The following DPP6 variants were observed in gnomAD, a reference collection of about 807,000 sequenced individuals.
DPP6 encodes dipeptidyl peptidase like 6.
In DPP6, 69 loss-of-function variants were observed where a neutral mutation model predicts 122.6. That is an observed-to-expected ratio of 0.56 (90% CI 0.46 to 0.69). The LOEUF is 0.69. Ranked by LOEUF, DPP6 falls within the 30% of genes least tolerant of loss-of-function variation. The pLI is 0.00. For synonymous variants in DPP6, 418 were observed against 433.1 expected, an observed-to-expected ratio of 0.97 and a Z score of 0.43; for missense variants, 928 against 1,116.9, an observed-to-expected ratio of 0.83 and a Z score of 2.41.
rs374757079 is a variant in DPP6 at position 154,481,146 on chromosome 7, T to G, written c.457+6109T>G. On this transcript the variant is annotated intron_variant, in intron 3 of 25. Transcript: ENST00000377770. This position sits in a 1 kb window ranked among gnomAD's most constrained non-coding sequence, Gnocchi z 4.2. Reference sequence around the variant, plus strand: ...CTCAGGTGCAAGGAGAAGGGGATGCTTGGGTGACTGGGGTGGAATTTTAAT... The same window carrying G: ...CTCAGGTGCAAGGAGAAGGGGATGCGTGGGTGACTGGGGTGGAATTTTAAT... 1.3e-5 allele frequency among the ~76,000 whole-genome samples: 2 copies of G among 152,080 alleles called. No individual in the cohort carries two copies. The highest frequency in any genetic ancestry group is 3.9e-4 in the East Asian group (2 of 5,176).
At chr7:154,036,948 C>T (rs1390643814) in intron 1 of DPP6, among the ~76,000 whole-genome samples, 2 of 152,164 alleles carry the variant, frequency 1.3e-5, no homozygotes, top group South Asian at 2.1e-4. Flanking sequence ...CACCTGCAAC[C>T]GCAGTAGAAA....
chr7:154,158,510 TATATTTTGAG>T (rs1321985123), intron 1 of DPP6, among the ~76,000 whole-genome samples: 1 of 151,866 alleles, frequency 6.6e-6, no homozygotes, highest in Non-Finnish European at 1.5e-5. Context: ...AAAACATTAC[TATATTTTGAG>T]GCTATTCCGA....
chr7:154,378,800 A>G (rs191768080), intron 1 of DPP6, among the ~76,000 whole-genome samples: 1 of 152,344 alleles, frequency 6.6e-6, no homozygotes, highest in East Asian at 1.9e-4. Flanking sequence ...ACTTACAATC[A>G]AGGCAGAAGG....
At chr7:154,263,645 G>A (rs1467951339) in intron 1 of DPP6, among the ~76,000 whole-genome samples, 2 of 151,988 alleles carry the variant, frequency 1.3e-5, no homozygotes, top group African/African-American at 4.8e-5. Context: ...GACCAAACAC[G>A]ACTGCATTCC....
At chr7:154,492,970 C>T (rs1442556644) in intron 3 of DPP6, among the ~76,000 whole-genome samples, 1 of 152,188 alleles carries the variant, frequency 6.6e-6, no homozygotes, top group Non-Finnish European at 1.5e-5. Context: ...CCACGAAGCT[C>T]CCGCATCCCT....
the DPP6 span, among the ~76,000 whole-genome samples, chr7:153,811,736 G>A: frequency 6.6e-6 from 1 of 152,190 alleles, no homozygotes; most frequent in Non-Finnish European, 1.5e-5. Context: ...TAAACGTTGT[G>A]TGTTTTGCTG....
At chr7:154,650,637 C>T (rs1215911829) in intron 6 of DPP6, among the ~76,000 whole-genome samples, 2 of 152,182 alleles carry the variant, frequency 1.3e-5, no homozygotes, top group Admixed American at 1.3e-4. Flanking sequence ...TGTCTGGCTT[C>T]CCAGGACCCT....
At chr7:154,021,793 C>G (rs1326296291) in intron 1 of DPP6, among the ~76,000 whole-genome samples, 1 of 152,204 alleles carries the variant, frequency 6.6e-6, no homozygotes, top group Non-Finnish European at 1.5e-5. Context: ...AGCTCCTGGA[C>G]TCTAAGCCTC....
intron 1 of DPP6, among the ~76,000 whole-genome samples, chr7:154,303,610 C>T (rs1175397838): frequency 6.6e-6 from 1 of 152,154 alleles, no homozygotes; most frequent in African/African-American, 2.4e-5. Context: ...CTGCTATACC[C>T]ACCCCTGGAC....
chr7:154,653,713 A>G (rs1227954451), intron 6 of DPP6, among the ~76,000 whole-genome samples: 1 of 152,180 alleles, frequency 6.6e-6, no homozygotes, highest in Non-Finnish European at 1.5e-5. Flanking sequence ...CCATTTTAGA[A>G]CATTCCACCC....
intron 16 of DPP6, among the ~76,000 whole-genome samples, chr7:154,841,569 G>A (rs1584865694): frequency 6.6e-6 from 1 of 152,018 alleles, no homozygotes; most frequent in African/African-American, 2.4e-5. Context: ...TTTTGGGAAT[G>A]TACTGAGAAC....
intron 5 of DPP6, among the ~76,000 whole-genome samples, chr7:154,606,685 TGGACACTTATGACAA>T (rs1358876941): frequency 8.2e-6 from 1 of 121,386 alleles, no homozygotes; most frequent in Non-Finnish European, 1.9e-5. Flanking sequence ...GAATAATTTT[TGGACACTTATGACAA>T]TTTGAGAAAA....
intron 1 of DPP6, among the ~76,000 whole-genome samples, chr7:154,353,441 G>A (rs532748394): frequency 6.6e-6 from 1 of 152,136 alleles, no homozygotes; most frequent in South Asian, 2.1e-4. Context: ...AGTGCACGCT[G>A]AGTTCATCCC....
In DPP6 at chr7:154,848,832, A is replaced by G. The variant is rs539896557; in HGVS notation, c.1667-4948A>G. On this transcript the variant is annotated intron_variant, in intron 16 of 25. Transcript: ENST00000377770. ...GTCTTTAATCGATTTTGAGTTGATTATTGTATAAGGAGTGAGATAAGAGTC... is the reference window on the plus strand; with the variant it reads ...GTCTTTAATCGATTTTGAGTTGATTGTTGTATAAGGAGTGAGATAAGAGTC... 2.6e-5 allele frequency among the ~76,000 whole-genome samples: 4 copies of G among 151,938 alleles called. No individual in the cohort carries two copies. In the South Asian group the frequency reaches 8.4e-4, roughly 32 times the overall value.
intron 1 of DPP6, among the ~76,000 whole-genome samples, chr7:154,071,388 A>T (rs1257223975): frequency 6.6e-6 from 1 of 152,336 alleles, no homozygotes; most frequent in African/African-American, 2.4e-5. Context: ...AGTCAGCAAG[A>T]GTTCGAAGCG....
intron 1 of DPP6, among the ~76,000 whole-genome samples, chr7:153,927,894 C>T (rs1286227179): frequency 1.3e-5 from 2 of 152,040 alleles, no homozygotes; most frequent in Non-Finnish European, 2.9e-5. Context: ...TTATTAAAAA[C>T]AGTAAACATC....
chr7:154,053,843 G>A (rs1400571634), intron 1 of DPP6, among the ~76,000 whole-genome samples: 1 of 146,592 alleles, frequency 6.8e-6, no homozygotes, highest in Non-Finnish European at 1.5e-5. Context: ...TCAAAGGTTG[G>A]ATTTGCACAT....
At chr7:153,802,566 T>A in the DPP6 span, among the ~76,000 whole-genome samples, 3 of 152,132 alleles carry the variant, frequency 2.0e-5, no homozygotes, top group East Asian at 5.8e-4. Context: ...ATTACCCCTC[T>A]TCCAGCACAA....
At position 154,889,258 on chromosome 7, in the gene DPP6, C is replaced by T; in HGVS notation, c.2305-14C>T. ...CAGCCCCCTAACTCTGTCCCCTTGC[C>T]CCCGCATGTGCAGATGACCAAGGTA... On this transcript the variant is annotated splice_polypyrimidine_tract_variant and intron_variant, in intron 23 of 25. Transcript: ENST00000377770. 3 of 1,611,270 alleles carry T rather than the reference C, an allele frequency of 1.9e-6. No homozygotes were observed. Among genetic ancestry groups the T allele is most frequent in the Non-Finnish European group, 2.5e-6 (3 of 1,178,998 alleles).
Sources: gnomAD v4.1 joint callset for allele counts (sites outside exome capture counted in the v4.1 genomes callset) on GRCh38, gnomAD v4.1.1 for gene constraint, Gnocchi (gnomAD v3.1) non-coding constraint, MANE v1.5 for transcripts, NCBI Gene and HGNC (gene_info 2026-07-23, HGNC 2026-07-21) for gene names.